The following SKP2 variants were observed in gnomAD, a reference collection of about 807,000 sequenced individuals.
SKP2 encodes S-phase kinase associated protein 2.
SKP2 carries 16 observed loss-of-function variants against 51.8 expected under a neutral mutation model. The observed-to-expected ratio is 0.31, with a 90% CI of 0.21 to 0.47. SKP2 has a LOEUF of 0.47. Among genes scored for constraint, SKP2 ranks in the 20% least tolerant of loss-of-function variants. SKP2 has a pLI of 1.00. For missense variants in SKP2, 377 were observed against 505.3 expected, an observed-to-expected ratio of 0.75 and a Z score of 2.43; for synonymous variants, 176 against 198.6, an observed-to-expected ratio of 0.89 and a Z score of 0.96.
intron 9 of SKP2, among the ~76,000 whole-genome samples, chr5:36,181,180 G>GC (rs1745798409): frequency 1.3e-5 from 2 of 152,134 alleles, no homozygotes; most frequent in Non-Finnish European, 1.5e-5. Context: ...AGGTAAGATG[G>GC]CTATTACCTC....
intron 2 of SKP2, among the ~76,000 whole-genome samples, chr5:36,154,537 T>A (rs900734727): frequency 3.3e-5 from 5 of 152,214 alleles, no homozygotes; most frequent in Non-Finnish European, 5.9e-5. Flanking sequence ...GGGTCTTTTT[T>A]AAATTTCATA....
chr5:36,183,170 A>C lies in SKP2; in HGVS notation c.*1139A>C, dbSNP rs1407720716. 1.0e-6 allele frequency: 1 copy of C among 974,512 alleles called. No individual in the cohort carries two copies. The highest frequency in any genetic ancestry group is 1.2e-6 in the Non-Finnish European group (1 of 819,964). The allele number at this position is 974,512 out of a possible 1,614,324, so 60.4% of individuals were successfully genotyped here. The stretch of plus-strand genomic sequence containing the variant: ...AGTAAGCACTACTTATACCTACATA[A>C]GAGTTAAAATCCAGATGTGGGACCT... On this transcript the variant is annotated 3_prime_UTR_variant, in exon 10 of 10. Transcript: ENST00000274255.
Position 36,152,197 on chromosome 5 carries a change from G to C in SKP2, c.-66G>C. ...TCGGAGCCGCCGCGCGCCAAAGCGG[G>C]AATCTGGGAGGCGAGCAGCTCTGCA... On this transcript the variant is annotated 5_prime_UTR_variant, in exon 1 of 10. Transcript: ENST00000274255. 6.3e-7 allele frequency: 1 copy of C among 1,589,550 alleles called. No individual in the cohort carries two copies. Among genetic ancestry groups the C allele is most frequent in the Non-Finnish European group, 8.6e-7 (1 of 1,158,456 alleles).
At chr5:36,170,485 C>T (rs1225363583) in intron 6 of SKP2, 43 bp downstream of exon 6, 13 of 1,164,812 alleles carry the variant, frequency 1.1e-5, no homozygotes, top group East Asian at 2.4e-5. Flanking sequence ...TTATGTCAAA[C>T]GTAAAATTAT....
intron 9 of SKP2, among the ~76,000 whole-genome samples, chr5:36,178,443 T>G (rs75391018): frequency 0.023 from 3,428 of 152,254 alleles, 133 homozygotes; most frequent in African/African-American, 0.078. Context: ...ATTTTTAAAT[T>G]AATCTTGGGG....
At chr5:36,168,498 T>A in intron 5 of SKP2, 51 bp downstream of exon 5, 1 of 1,578,436 alleles carries the variant, frequency 6.3e-7, no homozygotes, top group Non-Finnish European at 8.7e-7. Context: ...TGTGTATGAA[T>A]TTTTTTCCCT....
chr5:36,178,522 C>G (rs965600829), intron 9 of SKP2, among the ~76,000 whole-genome samples: 16 of 151,896 alleles, frequency 1.1e-4, no homozygotes, highest in Non-Finnish European at 2.9e-5. Flanking sequence ...ATTTACTTTC[C>G]CAGCTCTCAA....
At chr5:36,164,221 A>G (rs1167596126) in intron 3 of SKP2, among the ~76,000 whole-genome samples, 1 of 152,170 alleles carries the variant, frequency 6.6e-6, no homozygotes, top group Non-Finnish European at 1.5e-5. Context: ...CAGTCTCCCC[A>G]TATGTAAATG....
At chr5:36,163,569 T>G in intron 2 of SKP2, 76 bp from the exon 3 acceptor site, 1 of 840,268 alleles carries the variant, frequency 1.2e-6, no homozygotes, top group Non-Finnish European at 2.1e-6. Flanking sequence ...GTATATTCTT[T>G]ATGTGTTTGA....
intron 9 of SKP2, among the ~76,000 whole-genome samples, chr5:36,181,149 A>G (rs997067441): frequency 2.0e-5 from 3 of 152,220 alleles, no homozygotes; most frequent in African/African-American, 7.2e-5. Flanking sequence ...CTATGCAGAA[A>G]AAAAATGGTA....
chr5:36,181,819 G>C lies in SKP2; in HGVS notation c.1063G>C (p.Glu355Gln). The change falls in exon 10 of 10, where the codon GAA becomes CAA. Residue 355 changes from glutamate (E) to glutamine (Q), a missense_variant and splice_region_variant. Transcript: ENST00000274255. ...CYDIIPETLL[E>Q]LGEIPTLKTL... Reference sequence around the variant, plus strand: ...GAAAGTCTTTTTCTTCCTTTCCAGTGAACTTGGAGAAATTCCCACACTAAA... The same window carrying C: ...GAAAGTCTTTTTCTTCCTTTCCAGTCAACTTGGAGAAATTCCCACACTAAA... 6.2e-7 allele frequency: 1 copy of C among 1,613,664 alleles called. No homozygotes were observed. Among genetic ancestry groups the C allele is most frequent in the Non-Finnish European group, 8.5e-7 (1 of 1,179,644 alleles).
Position 36,166,626 on chromosome 5 carries a change from G to A in SKP2, c.500G>A (p.Arg167Gln), listed in dbSNP as rs370725660. The A allele has an allele frequency of 2.4e-5, 38 of 1,613,838 alleles. No individual in the cohort carries two copies. Among genetic ancestry groups the A allele is most frequent in the Middle Eastern group, 1.7e-4 (1 of 6,060 alleles). Reference protein sequence around the residue: ...SQGVIAFRCPRSFMDQPLAEH... With the variant: ...SQGVIAFRCPQSFMDQPLAEH... ...GGGGTGATTGCCTTCCGCTGCCCAC[G>A]ATCATTTATGGACCAACCATTGGCT... The change falls in exon 4 of 10, where the codon CGA (arginine) becomes CAA (glutamine). Residue 167 changes from arginine to glutamine, a missense_variant. Around this residue, in one of 2 missense-constraint regions of SKP2, gnomAD observed 262 missense variants for 389.8 expected, o/e 0.67. Coordinates refer to ENST00000274255, the MANE Select transcript of SKP2 (RefSeq NM_005983.4).
chr5:36,190,433 A>G (rs1170150629), intron 6 of SKP2, among the ~76,000 whole-genome samples: 2 of 140,560 alleles, frequency 1.4e-5, no homozygotes, highest in African/African-American at 5.5e-5. Context: ...AATTCAAGTG[A>G]CAAAGGAGTA....
rs144476717 is a variant in SKP2 at position 36,177,151 on chromosome 5, A to AT, written c.954-30dup. The stretch of plus-strand genomic sequence containing the variant: ...CTTCTTTATCTAGGATCAATGTGTG[A>AT]TTTTCAATATCTTTTCTTCTGCCTT... On this transcript the variant is annotated intron_variant, in intron 8 of 9. Transcript: ENST00000274255. 6.0e-4 allele frequency: 863 copies of AT among 1,445,472 alleles called. 5 individuals are homozygous for AT. In the African/African-American group the frequency reaches 0.011, roughly 18 times the overall value. 89.5% of individuals were successfully genotyped at this position (1,445,472 alleles called of 1,614,324 possible).
chr5:36,156,395 T>C (rs1027132368), intron 2 of SKP2, among the ~76,000 whole-genome samples: 28 of 152,220 alleles, frequency 1.8e-4, no homozygotes, highest in Non-Finnish European at 4.1e-4. Context: ...TGACTGGTTC[T>C]GGGCTGCAAG....
chr5:36,185,845 GTA>G, downstream of SKP2, among the ~76,000 whole-genome samples: 1 of 152,298 alleles, frequency 6.6e-6, no homozygotes, highest in Non-Finnish European at 1.5e-5. Context: ...ACCTTAGGCA[GTA>G]TGGCCATTTT....
At chr5:36,169,790 A>C (rs1475064521) in intron 5 of SKP2, among the ~76,000 whole-genome samples, 1 of 152,182 alleles carries the variant, frequency 6.6e-6, no homozygotes, top group African/African-American at 2.4e-5. Flanking sequence ...ACACAGGGAG[A>C]CTGAGTAAGT....
chr5:36,157,067 G>C (rs895950934), intron 2 of SKP2, among the ~76,000 whole-genome samples: 3 of 151,912 alleles, frequency 2.0e-5, no homozygotes, highest in Non-Finnish European at 4.4e-5. Context: ...GTACATATAT[G>C]CTAGTCAAAC....
intron 9 of SKP2, chr5:36,180,376 C>A: frequency 1.7e-6 from 1 of 590,260 alleles, no homozygotes; most frequent in Admixed American, 2.4e-5. Flanking sequence ...TACTTAATGA[C>A]AGCAATTTGT....
Sources: allele counts gnomAD v4.1 joint callset (sites outside exome capture counted in the v4.1 genomes callset), GRCh38; gene constraint gnomAD v4.1.1; regional missense constraint gnomAD v4.1.1; transcripts MANE v1.5; gene names NCBI Gene and HGNC (gene_info 2026-07-23, HGNC 2026-07-21).